Variants in GARRE1 observed in about 807,000 individuals in gnomAD.
GARRE1 encodes granule associated Rac and RHOG effector protein 1.
A neutral mutation model predicts 103.2 loss-of-function variants in GARRE1; 49 were observed. That is an observed-to-expected ratio of 0.47 (90% confidence interval 0.38 to 0.60). GARRE1 has a LOEUF of 0.60. GARRE1 is among the 20% of genes least tolerant of loss of function. The pLI is 0.00. For missense variants in GARRE1, 1,199 were observed against 1,370.5 expected (o/e 0.87, Z 1.98); for synonymous variants, 505 against 532.8 (o/e 0.95, Z 0.72).
chr19:34,265,278 C>T (rs546618915), intron 1 of GARRE1, among the ~76,000 whole-genome samples: 240 of 152,268 alleles, frequency 1.6e-3, no homozygotes, highest in Non-Finnish European at 2.6e-3. Flanking sequence ...TGGCTTGGCT[C>T]CCAGACTTGG....
At chr19:34,307,789 C>T (rs1161250693) in intron 2 of GARRE1, among the ~76,000 whole-genome samples, 1 of 121,638 alleles carries the variant, frequency 8.2e-6, no homozygotes, top group African/African-American at 3.3e-5. Flanking sequence ...AATATATATA[C>T]TATAAAAAAA....
In GARRE1 at chr19:34,351,600, G is replaced by A; in HGVS notation, c.2904+8G>A. On this transcript the variant is annotated splice_region_variant and intron_variant, in intron 13 of 13. Coordinates refer to ENST00000299505, the MANE Select transcript of GARRE1 (RefSeq NM_014686.5). ...GTGGAGGATGTGAACCAGGTATTCA[G>A]GCAGGCTCTGTGGGCACAGACTTGG... 7 of 1,609,198 alleles carry A rather than the reference G, an allele frequency of 4.3e-6. No individual in the cohort carries two copies. Among genetic ancestry groups the A allele is most frequent in the Non-Finnish European group, 6.0e-6 (7 of 1,175,744 alleles).
In GARRE1 at chr19:34,348,998, T is replaced by A; in HGVS notation, c.2688-18T>A. The A allele has an allele frequency of 6.2e-7, 1 of 1,608,136 alleles. No individual in the cohort carries two copies. Among genetic ancestry groups the A allele is most frequent in the East Asian group, 2.2e-5 (1 of 44,842 alleles). On this transcript the variant is annotated intron_variant, in intron 11 of 13. Transcript: ENST00000299505. ...GGCTGCAGGAGGCCCTGGCCCAGCTTCTCTCTCTGGCTTTCAGGGATGGCC... is the reference window on the plus strand; with the variant it reads ...GGCTGCAGGAGGCCCTGGCCCAGCTACTCTCTCTGGCTTTCAGGGATGGCC...
At chr19:34,340,044 G>C (rs1286104952) in intron 9 of GARRE1, 52 bp downstream of exon 9, 1 of 1,598,922 alleles carries the variant, frequency 6.3e-7, no homozygotes, top group Non-Finnish European at 8.6e-7. Context: ...GTGTGACTAT[G>C]CACAGTTTCA....
rs1336626772 is a variant in GARRE1 at position 34,354,987 on chromosome 19, A to C, written c.*2032A>C. ...GTGGCTCTTGTCTGTGTTAGCTGTCACGGTGTGCACACTAATCTCTGTTAA... is the reference window on the plus strand; with the variant it reads ...GTGGCTCTTGTCTGTGTTAGCTGTCCCGGTGTGCACACTAATCTCTGTTAA... On this transcript the variant is annotated 3_prime_UTR_variant, in exon 14 of 14. Coordinates refer to ENST00000299505, the MANE Select transcript of GARRE1 (RefSeq NM_014686.5). 1 of 152,628 alleles carries C rather than the reference A, an allele frequency of 6.6e-6. No individual in the cohort carries two copies. Among genetic ancestry groups the C allele is most frequent in the Non-Finnish European group, 1.5e-5 (1 of 68,032 alleles). The allele number at this position is 152,628 out of a possible 1,614,324, so 9.5% of individuals were successfully genotyped here.
chr19:34,301,515 A>G (rs1158453588), intron 2 of GARRE1, among the ~76,000 whole-genome samples: 1 of 11,292 alleles, frequency 8.9e-5, no homozygotes, highest in Non-Finnish European at 2.4e-4. Flanking sequence ...CCATGTCTCA[A>G]AAAAAAAAAA....
chr19:34,297,642 G>C (rs910159579), intron 1 of GARRE1, among the ~76,000 whole-genome samples: 1 of 152,292 alleles, frequency 6.6e-6, no homozygotes, highest in Non-Finnish European at 1.5e-5. Context: ...GAGTCTCCAC[G>C]GGAACAGCCT....
intron 3 of GARRE1, 130 bp downstream of exon 3, chr19:34,320,246 G>A: frequency 1.2e-6 from 1 of 803,698 alleles, no homozygotes; most frequent in East Asian, 2.7e-5. Context: ...TCATTGGCTT[G>A]TTCATTCATT....
intron 1 of GARRE1, among the ~76,000 whole-genome samples, chr19:34,270,016 G>A (rs1407073658): frequency 6.6e-6 from 1 of 152,136 alleles, no homozygotes; most frequent in Non-Finnish European, 1.5e-5. Context: ...TGCTCTCCAT[G>A]CCCGCCTTTC....
chr19:34,301,820 C>CT (rs2073980739), intron 2 of GARRE1, among the ~76,000 whole-genome samples: 1 of 148,012 alleles, frequency 6.8e-6, no homozygotes, highest in Non-Finnish European at 1.5e-5. Flanking sequence ...GTAGCTGGGA[C>CT]TACAGGCACC....
chr19:34,255,099 T>A (rs2073663149), intron 1 of GARRE1, among the ~76,000 whole-genome samples: 1 of 152,048 alleles, frequency 6.6e-6, no homozygotes, highest in Non-Finnish European at 1.5e-5. Context: ...CCGGGCGGGC[T>A]GCGCGCACCT....
At chr19:34,333,647 T>A (rs2074147146) in intron 7 of GARRE1, 57 bp from the exon 8 acceptor site, 1 of 1,024,716 alleles carries the variant, frequency 9.8e-7, no homozygotes, top group Admixed American at 2.0e-5. Context: ...TATTCTGATT[T>A]GTTTTCTCTC....
intron 7 of GARRE1, among the ~76,000 whole-genome samples, chr19:34,332,929 TC>T (rs1268332498): frequency 3.3e-5 from 5 of 152,220 alleles, no homozygotes; most frequent in African/African-American, 1.2e-4. Flanking sequence ...TCTTCCTCTG[TC>T]CTGAAGTAAT....
intron 6 of GARRE1, 125 bp downstream of exon 6, chr19:34,328,276 C>T (rs2074121707): frequency 9.3e-7 from 1 of 1,070,184 alleles, no homozygotes; most frequent in Non-Finnish European, 1.3e-6. Context: ...TGGCTCACGC[C>T]TGTAATCCTA....
At chr19:34,320,875 A>G (rs1164115663) in intron 3 of GARRE1, among the ~76,000 whole-genome samples, 4 of 148,096 alleles carry the variant, frequency 2.7e-5, no homozygotes, top group African/African-American at 9.9e-5. Context: ...GGCTCATGCC[A>G]CCATGTCTAG....
In GARRE1 at chr19:34,352,802, GGCCGCAACCAACGACTGCAGT is replaced by G; in HGVS notation, c.3066_3086del (p.Thr1023_Ala1029del). The G allele has an allele frequency of 6.2e-7, 1 of 1,613,940 alleles. No individual in the cohort carries two copies. Among genetic ancestry groups the G allele is most frequent in the Non-Finnish European group, 8.5e-7 (1 of 1,179,984 alleles). ...TGCAGATGCTGCAGTCCCCAGTGTG[GGCCGCAACCAACGACTGCAGT>G]GCCGCTGCCTTCTCCTATGTGCAGA... On this transcript the variant is annotated inframe_deletion, in exon 14 of 14. Transcript: ENST00000299505.
At chr19:34,310,068 G>C (rs547875898) in intron 2 of GARRE1, among the ~76,000 whole-genome samples, 8 of 152,342 alleles carry the variant, frequency 5.3e-5, no homozygotes, top group Non-Finnish European at 1.2e-4. Context: ...TCTTTTTAGA[G>C]AGTAGGATTT....
At chr19:34,333,953 T>C in intron 8 of GARRE1, 152 bp downstream of exon 8, 1 of 643,250 alleles carries the variant, frequency 1.6e-6, no homozygotes, top group Non-Finnish European at 2.8e-6. Context: ...GGTATGTTAG[T>C]GGCATGTGTC....
Position 34,304,760 on chromosome 19 carries a change from G to A in GARRE1, c.495+3792G>A, listed in dbSNP as rs561964398. Reference sequence around the variant, plus strand: ...TTTTAAAGTGTGTATAAAATGGCTTGTCATAATTTTATTTTTATTTTTATT... The same window carrying A: ...TTTTAAAGTGTGTATAAAATGGCTTATCATAATTTTATTTTTATTTTTATT... On this transcript the variant is annotated intron_variant, in intron 2 of 13. Coordinates refer to ENST00000299505, the MANE Select transcript of GARRE1 (RefSeq NM_014686.5). Among the ~76,000 whole-genome samples the A allele has an allele frequency of 4.6e-5, 7 of 151,852 alleles. No individual in the cohort carries two copies. The South Asian group carries it at 1.5e-3, about 32-fold the overall frequency.
Sources: gnomAD v4.1 joint callset for allele counts (sites outside exome capture counted in the v4.1 genomes callset) on GRCh38, gnomAD v4.1.1 for gene constraint, MANE v1.5 for transcripts, NCBI Gene and HGNC (gene_info 2026-07-23, HGNC 2026-07-21) for gene names.